The following NUCB2 variants were observed in gnomAD, a reference collection of about 807,000 sequenced individuals.
The protein encoded by NUCB2 is nucleobindin 2.
NUCB2 carries 48 observed loss-of-function variants against 57.9 expected under a neutral mutation model. The observed-to-expected ratio is 0.83, with a 90% CI of 0.66 to 1.05. NUCB2 has a LOEUF of 1.05. Ranked by LOEUF, NUCB2 falls within the 50% of genes least tolerant of loss-of-function variation. The probability of loss-of-function intolerance (pLI) is 0.00; values close to 1 mark genes in which losing one functional copy is unlikely to be tolerated. For synonymous variants in NUCB2, 139 were observed against 152.1 expected (o/e 0.91, Z 0.64); for missense variants, 442 against 476.2 (o/e 0.93, Z 0.67).
chr11:17,301,258 C>A (rs1946681601), intron 4 of NUCB2, among the ~76,000 whole-genome samples: 1 of 147,290 alleles, frequency 6.8e-6, no homozygotes, highest in Non-Finnish European at 1.5e-5. Flanking sequence ...CAGGCGTGAG[C>A]CACCGCGCCT....
intron 4 of NUCB2, among the ~76,000 whole-genome samples, chr11:17,297,406 C>T (rs529965203): frequency 1.2e-4 from 18 of 152,120 alleles, no homozygotes; most frequent in African/African-American, 3.6e-4. Context: ...GCATTTAGTT[C>T]GCAGCTCTCC....
At chr11:17,279,145 T>TCG (rs1485394709) in intron 1 of NUCB2, among the ~76,000 whole-genome samples, 4 of 152,076 alleles carry the variant, frequency 2.6e-5, no homozygotes, top group Non-Finnish European at 5.9e-5. Flanking sequence ...TGAGCCGAGA[T>TCG]CGCGCTATTG....
At chr11:17,281,110 G>A (rs1490911596) in intron 1 of NUCB2, among the ~76,000 whole-genome samples, 4 of 151,940 alleles carry the variant, frequency 2.6e-5, no homozygotes, top group Non-Finnish European at 4.4e-5. Context: ...TGCTTTTTGT[G>A]TCGTTAATTT....
chr11:17,325,991 G>A (rs1950612363), intron 11 of NUCB2, among the ~76,000 whole-genome samples: 1 of 149,752 alleles, frequency 6.7e-6, no homozygotes, highest in Non-Finnish European at 1.5e-5. Flanking sequence ...TTAACTTTTT[G>A]TTGTTACTTT....
chr11:17,289,486 C>T (rs1470119668), intron 2 of NUCB2, among the ~76,000 whole-genome samples: 3 of 152,134 alleles, frequency 2.0e-5, no homozygotes, highest in Non-Finnish European at 4.4e-5. Flanking sequence ...GCAACCTATT[C>T]TTTATTCAGA....
chr11:17,295,228 T>G, intron 2 of NUCB2, 96 bp from the exon 3 acceptor site: 907 of 1,096,042 alleles, frequency 8.3e-4, no homozygotes, highest in Non-Finnish European at 1.0e-3. Context: ...TTAAACCTCT[T>G]GAGATTAAAT....
chr11:17,311,646 G>C (rs1368121120), intron 8 of NUCB2, among the ~76,000 whole-genome samples: 1 of 152,026 alleles, frequency 6.6e-6, no homozygotes, highest in Non-Finnish European at 1.5e-5. Context: ...GGAAAAAAAT[G>C]GTCAAGATAC....
At chr11:17,289,946 A>C (rs918248599) in intron 2 of NUCB2, among the ~76,000 whole-genome samples, 6 of 152,126 alleles carry the variant, frequency 3.9e-5, no homozygotes, top group African/African-American at 1.4e-4. Flanking sequence ...CATTTGCATG[A>C]GTCCATCAAT....
chr11:17,343,573 T>G (rs1315215371), intron 2 of NUCB2, among the ~76,000 whole-genome samples: 2 of 152,184 alleles, frequency 1.3e-5, no homozygotes, highest in African/African-American at 4.8e-5. Flanking sequence ...ATTGTTAAGG[T>G]GATTTGGAGT....
intron 5 of NUCB2, 56 bp downstream of exon 5, chr11:17,301,926 G>A (rs1224235451): frequency 7.4e-6 from 11 of 1,476,534 alleles, no homozygotes; most frequent in African/African-American, 5.6e-5. Flanking sequence ...TTGAAACAGC[G>A]TTTTACCCTG....
At chr11:17,305,559 T>A (rs1947488314) in intron 5 of NUCB2, among the ~76,000 whole-genome samples, 2 of 152,062 alleles carry the variant, frequency 1.3e-5, no homozygotes, top group Admixed American at 1.3e-4. Context: ...CACAACATAA[T>A]TTAGTTTAAT....
rs370224588 is a variant in NUCB2 at position 17,330,250 on chromosome 11, C to T, written c.1126C>T (p.Gln376Ter). 1.1e-5 allele frequency: 17 copies of T among 1,612,120 alleles called. No individual in the cohort carries two copies. The highest frequency in any genetic ancestry group is 4.5e-5 in the East Asian group (2 of 44,840). ...GCTTCAGAAACAAAAAGAAGAGCTA[C>T]AACGTCAGCATGATCAACTGGAGGC... The part of the protein sequence containing the change: ...DELQKQKEEL[Q>*]RQHDQLEAQK... Residue 376 changes from glutamine (Q) to a stop codon, truncating the protein, a stop_gained, in exon 12 of 14, where the codon CAA (glutamine) becomes TAA (stop). Coordinates refer to ENST00000529010, the MANE Select transcript of NUCB2 (RefSeq NM_005013.4). LOFTEE classifies it high-confidence loss of function. This position sits in a 1 kb window ranked among gnomAD's most constrained non-coding sequence, Gnocchi z 4.3.
chr11:17,331,793 T>C lies in NUCB2; in HGVS notation c.*374T>C, dbSNP rs895406826. On this transcript the variant is annotated 3_prime_UTR_variant, in exon 14 of 14. Transcript: ENST00000529010. ...TTTAAATTAGATTGCTCTCACTTAC[T>C]CGTAAACATAGGTATTCTTTTATGG... is the stretch of plus-strand genomic sequence containing the variant. The C allele has an allele frequency of 5.6e-6, 1 of 177,990 alleles. No homozygotes were observed. The highest frequency in any genetic ancestry group is 1.2e-5 in the Non-Finnish European group (1 of 85,712). The allele number at this position is 177,990 out of a possible 1,614,324, so 11.0% of individuals were successfully genotyped here. A position where few individuals can be genotyped will look rare whatever the true frequency, so the allele number is the denominator to read the frequency against.
intron 11 of NUCB2, among the ~76,000 whole-genome samples, chr11:17,321,469 A>G (rs1007046954): frequency 6.6e-6 from 1 of 152,172 alleles, no homozygotes; most frequent in Non-Finnish European, 1.5e-5. Flanking sequence ...TCCATTGTGT[A>G]TAAGTACCAC....
At chr11:17,329,990 T>TCC (rs1214304992) in intron 11 of NUCB2, 137 bp from the exon 12 acceptor site, 1 of 436,910 alleles carries the variant, frequency 2.3e-6, no homozygotes, top group African/African-American at 2.0e-5. Context: ...ATTACTTATT[T>TCC]CCCCTTCCTT....
At chr11:17,315,828 G>A (rs1017329490) in intron 11 of NUCB2, among the ~76,000 whole-genome samples, 3 of 152,062 alleles carry the variant, frequency 2.0e-5, no homozygotes, top group African/African-American at 4.8e-5. Flanking sequence ...GTTATGCATC[G>A]TACTGTGTTA....
intron 2 of NUCB2, among the ~76,000 whole-genome samples, chr11:17,349,148 CAT>C (rs1953024217): frequency 6.6e-6 from 1 of 152,228 alleles, no homozygotes; most frequent in Non-Finnish European, 1.5e-5. Context: ...CATCACCTAA[CAT>C]GTGTACTCAC....
intron 11 of NUCB2, among the ~76,000 whole-genome samples, chr11:17,328,903 G>A (rs1951028983): frequency 1.3e-5 from 2 of 152,138 alleles, no homozygotes; most frequent in East Asian, 3.9e-4. Flanking sequence ...CTGGGAATGT[G>A]CTGGGTCACC....
At chr11:17,322,141 C>T (rs761966366) in intron 11 of NUCB2, among the ~76,000 whole-genome samples, 2 of 151,928 alleles carry the variant, frequency 1.3e-5, no homozygotes, top group East Asian at 3.8e-4. Flanking sequence ...TCTGTGCTTA[C>T]GGATATTACT....
Sources: gnomAD v4.1 joint callset for allele counts (sites outside exome capture counted in the v4.1 genomes callset) on GRCh38, gnomAD v4.1.1 for gene constraint, Gnocchi (gnomAD v3.1) non-coding constraint, MANE v1.5 for transcripts, NCBI Gene and HGNC (gene_info 2026-07-23, HGNC 2026-07-21) for gene names.